The following TRAPPC9 variants were observed in gnomAD, a reference collection of about 807,000 sequenced individuals.
TRAPPC9 encodes the protein IKK2 binding protein.
Under a neutral mutation model 124.0 loss-of-function variants are expected in TRAPPC9, and 83 were observed. That is an observed-to-expected ratio of 0.67 (90% confidence interval 0.56 to 0.80). The LOEUF (loss-of-function observed/expected upper bound fraction) is 0.80. Ranked by LOEUF, TRAPPC9 falls within the 30% of genes least tolerant of loss-of-function variation. The pLI is 0.00. For synonymous variants in TRAPPC9, 638 were observed against 617.5 expected, an observed-to-expected ratio of 1.03 and a Z score of -0.49; for missense variants, 1,302 against 1,508.3, an observed-to-expected ratio of 0.86 and a Z score of 2.27.
intron 2 of TRAPPC9, among the ~76,000 whole-genome samples, chr8:140,443,857 T>C (rs1193075695): frequency 6.7e-6 from 1 of 149,896 alleles, no homozygotes; most frequent in Non-Finnish European, 1.5e-5. Flanking sequence ...GCCAACATGG[T>C]GAAACCCCAT....
At chr8:140,419,510 T>C (rs973702418) in intron 5 of TRAPPC9, among the ~76,000 whole-genome samples, 1 of 146,970 alleles carries the variant, frequency 6.8e-6, no homozygotes, top group African/African-American at 2.5e-5. Flanking sequence ...ATAAAGGGCA[T>C]CTGTGAAAAA....
chr8:140,082,365 C>T (rs1843882317), intron 17 of TRAPPC9, among the ~76,000 whole-genome samples: 2 of 151,458 alleles, frequency 1.3e-5, no homozygotes, highest in Admixed American at 1.3e-4. Context: ...ATTTTTTTTC[C>T]TCGACACAAA....
chr8:140,334,244 G>A (rs933457336), intron 9 of TRAPPC9, among the ~76,000 whole-genome samples: 1 of 152,144 alleles, frequency 6.6e-6, no homozygotes, highest in Non-Finnish European at 1.5e-5. Flanking sequence ...CGCTCAACTG[G>A]AGTCCCACAT....
chr8:140,244,927 C>G (rs569382985), intron 16 of TRAPPC9, among the ~76,000 whole-genome samples: 1 of 151,420 alleles, frequency 6.6e-6, no homozygotes, highest in Non-Finnish European at 1.5e-5. Flanking sequence ...CTGCCTCAGC[C>G]TCCCGAGTAC....
intron 21 of TRAPPC9, among the ~76,000 whole-genome samples, chr8:139,768,147 T>C (rs770299463): frequency 5.4e-4 from 82 of 152,270 alleles, no homozygotes; most frequent in Non-Finnish European, 1.8e-4. Flanking sequence ...CATAAAGGAA[T>C]ACTATGTAGC....
intron 7 of TRAPPC9, among the ~76,000 whole-genome samples, chr8:140,387,926 T>A (rs985934318): frequency 1.9e-4 from 29 of 152,060 alleles, no homozygotes; most frequent in Non-Finnish European, 4.4e-5. Context: ...AATGCACACG[T>A]ATGTTTATTG....
At chr8:139,856,489 G>A (rs563369454) in intron 21 of TRAPPC9, among the ~76,000 whole-genome samples, 17 of 152,254 alleles carry the variant, frequency 1.1e-4, no homozygotes, top group South Asian at 2.1e-4. Flanking sequence ...CCAGCTCCCC[G>A]CTGCAGCCTG....
chr8:139,840,392 G>C (rs988371969), intron 21 of TRAPPC9, among the ~76,000 whole-genome samples: 2 of 152,184 alleles, frequency 1.3e-5, no homozygotes, highest in Non-Finnish European at 2.9e-5. Context: ...TCCTGGATTC[G>C]GGGAATGTGA....
At chr8:139,977,530 A>C (rs1160550287) in intron 19 of TRAPPC9, among the ~76,000 whole-genome samples, 1 of 150,794 alleles carries the variant, frequency 6.6e-6, no homozygotes, top group Non-Finnish European at 1.5e-5. Context: ...AGGCAGGAGA[A>C]TGGTGTGAAC....
chr8:140,229,409 C>A (rs1257962454), intron 16 of TRAPPC9, among the ~76,000 whole-genome samples: 1 of 151,106 alleles, frequency 6.6e-6, no homozygotes, highest in Non-Finnish European at 1.5e-5. Context: ...TTATGGGCAC[C>A]TGCCACCAAG....
intron 18 of TRAPPC9, among the ~76,000 whole-genome samples, chr8:139,998,741 T>C (rs1278085251): frequency 3.3e-5 from 5 of 150,902 alleles, no homozygotes; most frequent in African/African-American, 1.2e-4. Context: ...AATAAATAAA[T>C]AAAACAAAAC....
At chr8:140,245,440 A>G (rs1264831693) in intron 16 of TRAPPC9, among the ~76,000 whole-genome samples, 3 of 150,600 alleles carry the variant, frequency 2.0e-5, no homozygotes, top group Non-Finnish European at 4.4e-5. Context: ...AACTACAGAT[A>G]GCCTTTTCAT....
intron 17 of TRAPPC9, among the ~76,000 whole-genome samples, chr8:140,211,371 C>A (rs954761212): frequency 6.6e-6 from 1 of 152,194 alleles, no homozygotes; most frequent in Non-Finnish European, 1.5e-5. Context: ...CCAGCCTGGG[C>A]AACATGTTGA....
chr8:139,734,493 C>G (rs1482716327), intron 21 of TRAPPC9, among the ~76,000 whole-genome samples: 1 of 152,122 alleles, frequency 6.6e-6, no homozygotes, highest in Admixed American at 6.5e-5. Flanking sequence ...AACAGTGAGG[C>G]AGATGAAATG....
At chr8:140,359,744 G>T (rs1034069338) in intron 9 of TRAPPC9, among the ~76,000 whole-genome samples, 3 of 152,190 alleles carry the variant, frequency 2.0e-5, no homozygotes, top group African/African-American at 7.2e-5. Flanking sequence ...GGCAGGCTAA[G>T]GAAATGGGAG....
chr8:140,033,482 A>C (rs958987137), intron 17 of TRAPPC9, among the ~76,000 whole-genome samples: 1 of 152,014 alleles, frequency 6.6e-6, no homozygotes, highest in African/African-American at 2.4e-5. Flanking sequence ...TAGTCTTGGG[A>C]TAGGAAAAGA....
At chr8:140,450,134 G>A (rs1004726409) in intron 2 of TRAPPC9, among the ~76,000 whole-genome samples, 1 of 152,150 alleles carries the variant, frequency 6.6e-6, no homozygotes, top group African/African-American at 2.4e-5. Context: ...GCCAAGGCAG[G>A]CAGATCACTC....
intron 21 of TRAPPC9, among the ~76,000 whole-genome samples, chr8:139,860,702 GCAAA>G (rs560580263): frequency 5.9e-4 from 90 of 152,354 alleles, no homozygotes; most frequent in Non-Finnish European, 9.3e-4. Flanking sequence ...TCTATGGTCA[GCAAA>G]CAAGTGCTAA....
At chr8:140,455,386 G>A (rs1342118392) in intron 1 of TRAPPC9, among the ~76,000 whole-genome samples, 1 of 152,068 alleles carries the variant, frequency 6.6e-6, no homozygotes, top group Non-Finnish European at 1.5e-5. Flanking sequence ...ACCCGCCTCA[G>A]CCTCCCAAAG....
Sources: gnomAD v4.1 joint callset for allele counts (sites outside exome capture counted in the v4.1 genomes callset) on GRCh38, gnomAD v4.1.1 for gene constraint, MANE v1.5 for transcripts, NCBI Gene and HGNC (gene_info 2026-07-23, HGNC 2026-07-21) for gene names.